Variants in MAP6 observed in about 807,000 individuals in gnomAD.
The protein encoded by MAP6 is microtubule-associated protein 6.
MAP6 carries 26 observed loss-of-function variants against 42.4 expected under a neutral mutation model. The observed-to-expected ratio is 0.61, with a 90% CI of 0.45 to 0.85. MAP6 has a LOEUF of 0.85. Among genes scored for constraint, MAP6 ranks in the 40% least tolerant of loss-of-function variants. The probability of loss-of-function intolerance (pLI) is 0.00; values close to 1 mark genes in which losing one functional copy is unlikely to be tolerated. For synonymous variants in MAP6, 418 were observed against 443.8 expected, an observed-to-expected ratio of 0.94 and a Z score of 0.73; for missense variants, 966 against 1,099.0, an observed-to-expected ratio of 0.88 and a Z score of 1.71.
chr11:75,667,427 G>T lies in MAP6; in HGVS notation c.905+38C>A. ...CGGGCAGCCCGCGGGGAGGGTCTGCGTGGTGACTCCCCCGCGCTAGCAGCG... is the reference window on the plus strand; with the variant it reads ...CGGGCAGCCCGCGGGGAGGGTCTGCTTGGTGACTCCCCCGCGCTAGCAGCG... On this transcript the variant is annotated intron_variant, in intron 1 of 3. Transcript: ENST00000304771. The surrounding 1 kb of genome is among the most constrained non-coding windows in gnomAD (Gnocchi z 5.6). 4.9e-6 allele frequency: 7 copies of T among 1,429,736 alleles called. No homozygotes were observed. The highest frequency in any genetic ancestry group is 6.4e-6 in the Non-Finnish European group (7 of 1,097,078). 88.6% of individuals were successfully genotyped at this position (1,429,736 alleles called of 1,614,324 possible). A position where few individuals can be genotyped will look rare whatever the true frequency, so the allele number is the denominator to read the frequency against.
Position 75,668,047 on chromosome 11 carries a change from A to T in MAP6, c.323T>A (p.Leu108Gln). The T allele has an allele frequency of 1.6e-6, 2 of 1,227,586 alleles. No individual in the cohort carries two copies. Among genetic ancestry groups the T allele is most frequent in the Non-Finnish European group, 2.0e-6 (2 of 986,312 alleles). The allele number at this position is 1,227,586 out of a possible 1,614,324, so 76.0% of individuals were successfully genotyped here. A position where few individuals can be genotyped will look rare whatever the true frequency, so the allele number is the denominator to read the frequency against. ...GPGRSGPGPGLGSGSTSGPAD... is the reference protein window; with the variant it reads ...GPGRSGPGPGQGSGSTSGPAD... ...GGGGCCGGAGGTGGAGCCGGAGCCCAGGCCCGGGCCCGGCCCGCTCCGGCC... is the reference window on the plus strand; with the variant it reads ...GGGGCCGGAGGTGGAGCCGGAGCCCTGGCCCGGGCCCGGCCCGCTCCGGCC... Residue 108 changes from leucine to glutamine, a missense_variant, in exon 1 of 4, where the codon CTG becomes CAG. Coordinates refer to ENST00000304771, the MANE Select transcript of MAP6 (RefSeq NM_033063.2).
chr11:75,663,801 G>C (rs895798289), intron 1 of MAP6, among the ~76,000 whole-genome samples: 2 of 152,236 alleles, frequency 1.3e-5, no homozygotes, highest in Admixed American at 1.3e-4. Flanking sequence ...CATAAACTAA[G>C]TCAGATGGGT....
At position 75,634,208 on chromosome 11, in the gene MAP6, T is replaced by C. The variant is rs61895130; in HGVS notation, c.906-25886A>G. 4.4e-3 allele frequency among the ~76,000 whole-genome samples: 676 copies of C among 152,308 alleles called. 2 individuals carry two copies. Among genetic ancestry groups the C allele is most frequent in the Non-Finnish European group, 7.7e-3 (524 of 68,016 alleles). ...GTAAAGAGCGTTAAGAGCACATAAATGAGAAGATTTATTCTACTTTATGGA... is the reference window on the plus strand; with the variant it reads ...GTAAAGAGCGTTAAGAGCACATAAACGAGAAGATTTATTCTACTTTATGGA... On this transcript the variant is annotated intron_variant, in intron 1 of 3. Coordinates refer to ENST00000304771, the MANE Select transcript of MAP6 (RefSeq NM_033063.2).
chr11:75,608,649 A>T (rs1042124194), intron 1 of MAP6, among the ~76,000 whole-genome samples: 8 of 152,046 alleles, frequency 5.3e-5, no homozygotes, highest in African/African-American at 1.9e-4. Flanking sequence ...AAAAAACCCA[A>T]CCCATTCAGT....
At chr11:75,648,178 G>C (rs141420200) in intron 1 of MAP6, among the ~76,000 whole-genome samples, 1 of 152,298 alleles carries the variant, frequency 6.6e-6, no homozygotes, top group Admixed American at 6.5e-5. Context: ...TACACATCTA[G>C]ATGTGAAAAA....
intron 1 of MAP6, chr11:75,642,651 A>C (rs1444541551): frequency 5.2e-6 from 1 of 191,806 alleles, no homozygotes; most frequent in African/African-American, 2.3e-5. Flanking sequence ...CATAAGACAC[A>C]CATTGTGCTT....
intron 1 of MAP6, among the ~76,000 whole-genome samples, chr11:75,627,852 T>C (rs73488441): frequency 0.022 from 3,341 of 152,144 alleles, 125 homozygotes; most frequent in African/African-American, 0.077. Flanking sequence ...AGAACTGAAA[T>C]GGAACATTCA....
chr11:75,668,047 AGGCCCG>A lies in MAP6; in HGVS notation c.317_322del (p.Pro106_Gly107del). The A allele has an allele frequency of 8.1e-7, 1 of 1,227,586 alleles. No homozygotes were observed. The highest frequency in any genetic ancestry group is 1.0e-6 in the Non-Finnish European group (1 of 986,312). 76.0% of individuals were successfully genotyped at this position (1,227,586 alleles called of 1,614,324 possible). On this transcript the variant is annotated inframe_deletion, in exon 1 of 4. Coordinates refer to ENST00000304771, the MANE Select transcript of MAP6 (RefSeq NM_033063.2). ...GGGGCCGGAGGTGGAGCCGGAGCCC[AGGCCCG>A]GGCCCGGCCCGCTCCGGCCGGGGCC...
In MAP6 at chr11:75,588,168, C is replaced by A; in HGVS notation, c.1333G>T (p.Val445Phe). 1.2e-6 allele frequency: 2 copies of A among 1,612,046 alleles called. No individual in the cohort carries two copies. The highest frequency in any genetic ancestry group is 1.7e-6 in the Non-Finnish European group (2 of 1,179,398). The change falls in exon 4 of 4, where the codon GTC becomes TTC. Residue 445 changes from valine to phenylalanine, a missense_variant. Val to Phe is a conservative substitution (Grantham distance 50). Around this residue, in one of 2 missense-constraint regions of MAP6, gnomAD observed 943 missense variants for 1,049.9 expected, o/e 0.90. Coordinates refer to ENST00000304771, the MANE Select transcript of MAP6 (RefSeq NM_033063.2). ...CCTTGAGTCTTACTTGAATCACTGA[C>A]GGGTTGAGCCAGGCTCCTGCAAAGG... is the stretch of plus-strand genomic sequence containing the variant. The part of the protein sequence containing the change: ...AEAKESLAQP[V>F]SDSSKTQGPV...
At chr11:75,612,013 G>A (rs1000578342) in intron 1 of MAP6, among the ~76,000 whole-genome samples, 1 of 152,274 alleles carries the variant, frequency 6.6e-6, no homozygotes, top group African/African-American at 2.4e-5. Context: ...CTCACTGGAG[G>A]TGCCTGTGCA....
At position 75,668,438 on chromosome 11, in the gene MAP6, TC is replaced by T. The variant is rs988529160; in HGVS notation, c.-70del. On this transcript the variant is annotated 5_prime_UTR_variant, in exon 1 of 4. Transcript: ENST00000304771. Reference sequence around the variant, plus strand: ...TAAAGCAAGTCTCTATAATCTTCCTTCAGCCTCCGATCCTGACCGGCCAATG... The same window carrying T: ...TAAAGCAAGTCTCTATAATCTTCCTTAGCCTCCGATCCTGACCGGCCAATG... 1.3e-6 allele frequency: 2 copies of T among 1,490,974 alleles called. No individual in the cohort carries two copies. Among genetic ancestry groups the T allele is most frequent in the African/African-American group, 2.9e-5 (2 of 69,528 alleles). 92.4% of individuals were successfully genotyped at this position (1,490,974 alleles called of 1,614,324 possible).
intron 1 of MAP6, among the ~76,000 whole-genome samples, chr11:75,627,846 C>T (rs1418319677): frequency 6.6e-6 from 1 of 152,186 alleles, no homozygotes; most frequent in Non-Finnish European, 1.5e-5. Flanking sequence ...TGTCCCAGAA[C>T]TGAAATGGAA....
chr11:75,632,283 T>C (rs751440472), intron 1 of MAP6, among the ~76,000 whole-genome samples: 6 of 152,180 alleles, frequency 3.9e-5, no homozygotes, highest in Non-Finnish European at 7.3e-5. Context: ...ATTCCAACTC[T>C]GGGGACTTGC....
chr11:75,656,190 C>T (rs942501086), intron 1 of MAP6, among the ~76,000 whole-genome samples: 2 of 152,186 alleles, frequency 1.3e-5, no homozygotes, highest in African/African-American at 4.8e-5. Context: ...GCCAGTGTTT[C>T]AAAGACACTG....
intron 3 of MAP6, chr11:75,603,574 G>T (rs1394948736): frequency 2.1e-6 from 2 of 953,918 alleles, no homozygotes; most frequent in African/African-American, 4.0e-5. Context: ...AGGGTAGGAA[G>T]TTGGTCCCTG....
At chr11:75,592,612 C>G (rs1431310804) in intron 3 of MAP6, among the ~76,000 whole-genome samples, 1 of 152,130 alleles carries the variant, frequency 6.6e-6, no homozygotes, top group Non-Finnish European at 1.5e-5. Context: ...CTACCTGGAC[C>G]ACTGTCACAG....
At chr11:75,611,505 C>T (rs1942897097) in intron 1 of MAP6, among the ~76,000 whole-genome samples, 1 of 152,146 alleles carries the variant, frequency 6.6e-6, no homozygotes. Flanking sequence ...TCACATGAGA[C>T]CTTGTTAATG....
chr11:75,605,818 C>A lies in MAP6; in HGVS notation c.1306G>T (p.Glu436Ter). The change falls in exon 3 of 4, where the codon GAG becomes TAG. Residue 436 changes from glutamate (E) to a stop codon, truncating the protein, a stop_gained. Coordinates refer to ENST00000304771, the MANE Select transcript of MAP6 (RefSeq NM_033063.2). LOFTEE classifies it low-confidence loss of function (END_TRUNC). ...TGCAGGGAAATTTACTCTTTCGCCT[C>A]AGCCAGTTTATTGTTCATCTCTTTG... ...QSKEMNNKLA[E>*]AKESLAQPVS... is the part of the protein sequence containing the mutation. 6.2e-7 allele frequency: 1 copy of A among 1,614,064 alleles called. No individual in the cohort carries two copies. The highest frequency in any genetic ancestry group is 2.2e-5 in the East Asian group (1 of 44,880).
chr11:75,588,143 C>T lies in MAP6; in HGVS notation c.1358G>A (p.Gly453Asp), dbSNP rs1942398739. 1.2e-6 allele frequency: 2 copies of T among 1,613,634 alleles called. No individual in the cohort carries two copies. The highest frequency in any genetic ancestry group is 2.2e-5 in the East Asian group (1 of 44,884). ...CTTGTCTGGCTCTGTGGCTACAGGA[C>T]CTTGAGTCTTACTTGAATCACTGAC... ...QPVSDSSKTQ[G>D]PVATEPDKDQ... The change falls in exon 4 of 4, where the codon GGT becomes GAT. Residue 453 changes from glycine to aspartate, a missense_variant. Physicochemically the swap from Gly to Asp is moderately conservative, Grantham distance 94. This residue lies in a region of MAP6 where 943 missense variants were observed against 1,049.9 expected (regional missense o/e 0.90). Coordinates refer to ENST00000304771, the MANE Select transcript of MAP6 (RefSeq NM_033063.2).
Sources: allele counts gnomAD v4.1 joint callset (sites outside exome capture counted in the v4.1 genomes callset), GRCh38; gene constraint gnomAD v4.1.1; regional missense constraint gnomAD v4.1.1; non-coding constraint Gnocchi (gnomAD v3.1); transcripts MANE v1.5; gene names NCBI Gene and HGNC (gene_info 2026-07-23, HGNC 2026-07-21).